Variants in LIFR observed in about 807,000 individuals in gnomAD.
LIFR encodes leukemia inhibitory factor receptor.
A neutral mutation model predicts 122.2 loss-of-function variants in LIFR; 84 were observed. That is an observed-to-expected ratio of 0.69 (90% CI 0.58 to 0.82). LIFR has a LOEUF of 0.82. LIFR is among the 40% of genes least tolerant of loss of function. The pLI, the probability that LIFR is intolerant of heterozygous loss-of-function variation, is 0.00. For synonymous variants in LIFR, 422 were observed against 434.7 expected (o/e 0.97, Z 0.36); for missense variants, 1,294 against 1,311.6 (o/e 0.99, Z 0.21).
chr5:38,487,889 C>T (rs187421761), intron 16 of LIFR, among the ~76,000 whole-genome samples: 8 of 152,196 alleles, frequency 5.3e-5, no homozygotes, highest in Admixed American at 5.2e-4. Context: ...AGTTCCTTCT[C>T]AACAATGCCT....
chr5:38,499,732 T>C, intron 11 of LIFR, 149 bp from the exon 12 acceptor site: 1 of 688,634 alleles, frequency 1.5e-6, no homozygotes, highest in Non-Finnish European at 2.6e-6. Context: ...ATGGAAAATC[T>C]AAGCTCTCAA....
chr5:38,531,832 A>G (rs1747028176), intron 1 of LIFR, among the ~76,000 whole-genome samples: 1 of 152,202 alleles, frequency 6.6e-6, no homozygotes, highest in Admixed American at 6.5e-5. Context: ...GCTACTGTCA[A>G]GTACTGTCAA....
At chr5:38,565,124 CAGT>C (rs1475290518) in intron 1 of LIFR, among the ~76,000 whole-genome samples, 1 of 152,120 alleles carries the variant, frequency 6.6e-6, no homozygotes, top group Non-Finnish European at 1.5e-5. Context: ...GACTTATATT[CAGT>C]ATTGAGCCTT....
At chr5:38,550,051 T>C (rs1748118756) in intron 1 of LIFR, 1 of 152,682 alleles carries the variant, frequency 6.5e-6, no homozygotes, top group South Asian at 2.1e-4. Context: ...TACTTTATCG[T>C]TTCTCCTTTG....
At chr5:38,605,255 G>A (rs3097240) in intron 2 of LIFR, among the ~76,000 whole-genome samples, 94,731 of 151,874 alleles carry the variant, frequency 0.62, 29,795 homozygotes, top group African/African-American at 0.7. Context: ...GCAGTTTTAC[G>A]GACACTGGGC....
In LIFR at chr5:38,475,773, A is replaced by G. The variant is rs569182863; in HGVS notation, c.*5822T>C. ...GACCTTGACTTATGGCCAGCTAATG[A>G]AAGAGAAGAAAACCTAACATCCTTA... On this transcript the variant is annotated 3_prime_UTR_variant, in exon 20 of 20. Transcript: ENST00000453190. The G allele has an allele frequency of 6.4e-5, 12 of 188,774 alleles. No individual in the cohort carries two copies. The highest frequency in any genetic ancestry group is 2.8e-4 in the African/African-American group (12 of 43,022). The allele number at this position is 188,774 out of a possible 1,614,324, so 11.7% of individuals were successfully genotyped here.
chr5:38,481,148 AAAC>A lies in LIFR; in HGVS notation c.*444_*446del, dbSNP rs1209597446. ...GCTTGGTTTTCATCTAGAAAGGAGT[AAAC>A]GTCAGGCAAATAAACTTCACCTGTT... On this transcript the variant is annotated 3_prime_UTR_variant, in exon 20 of 20. Coordinates refer to ENST00000453190, the MANE Select transcript of LIFR (RefSeq NM_001127671.2). 4 of 262,318 alleles carry A rather than the reference AAAC, an allele frequency of 1.5e-5. No homozygotes were observed. Among genetic ancestry groups the A allele is most frequent in the Non-Finnish European group, 2.9e-5 (4 of 135,748 alleles). The allele number at this position is 262,318 out of a possible 1,614,324, so 16.2% of individuals were successfully genotyped here.
At position 38,479,643 on chromosome 5, in the gene LIFR, T is replaced by A. The variant is rs558503590; in HGVS notation, c.*1952A>T. 2.6e-5 allele frequency: 6 copies of A among 230,266 alleles called. No homozygotes were observed. Among genetic ancestry groups the A allele is most frequent in the Non-Finnish European group, 5.2e-5 (6 of 116,292 alleles). 14.3% of individuals were successfully genotyped at this position (230,266 alleles called of 1,614,324 possible). A position where few individuals can be genotyped will look rare whatever the true frequency, so the allele number is the denominator to read the frequency against. On this transcript the variant is annotated 3_prime_UTR_variant, in exon 20 of 20. Transcript: ENST00000453190. ...CTGGAGAGATAAAGTACGGGATTGA[T>A]ACATTTCAACAGGGAACAAGGCAGG... is the stretch of plus-strand genomic sequence containing the variant.
At chr5:38,541,559 T>G (rs563373149) in intron 1 of LIFR, among the ~76,000 whole-genome samples, 2 of 152,352 alleles carry the variant, frequency 1.3e-5, no homozygotes, top group South Asian at 4.1e-4. Flanking sequence ...TTTTATCACA[T>G]GATCAACCTT....
intron 14 of LIFR, among the ~76,000 whole-genome samples, chr5:38,492,284 C>A (rs1238953682): frequency 6.6e-6 from 1 of 152,140 alleles, no homozygotes; most frequent in East Asian, 1.9e-4. Flanking sequence ...AGTTCTCTTC[C>A]CACAATCATC....
At chr5:38,569,265 T>A (rs962351888) in intron 1 of LIFR, among the ~76,000 whole-genome samples, 7 of 152,238 alleles carry the variant, frequency 4.6e-5, no homozygotes, top group Admixed American at 1.3e-4. Context: ...CTTTATTGCC[T>A]ACACAATGAC....
chr5:38,545,871 G>GAAAAAAAA (rs371497950), intron 1 of LIFR, among the ~76,000 whole-genome samples: 4 of 87,718 alleles, frequency 4.6e-5, no homozygotes, highest in East Asian at 3.4e-4. Flanking sequence ...CAAAAAAAAA[G>GAAAAAAAA]AAAAAAAAAA....
Position 38,481,477 on chromosome 5 carries a change from G to A in LIFR, c.*118C>T. 9.1e-7 allele frequency: 1 copy of A among 1,094,430 alleles called. No individual in the cohort carries two copies. Among genetic ancestry groups the A allele is most frequent in the South Asian group, 1.3e-5 (1 of 79,072 alleles). The allele number at this position is 1,094,430 out of a possible 1,614,324, so 67.8% of individuals were successfully genotyped here. ...CTTTCAGTGTAACTTAACATGTAGT[G>A]AAGTTCACCTCCTAACAATACTTCA... On this transcript the variant is annotated 3_prime_UTR_variant, in exon 20 of 20. Coordinates refer to ENST00000453190, the MANE Select transcript of LIFR (RefSeq NM_001127671.2).
At position 38,505,942 on chromosome 5, in the gene LIFR, T is replaced by A; in HGVS notation, c.1254A>T (p.Arg418=). 7 of 1,610,026 alleles carry A rather than the reference T, an allele frequency of 4.3e-6. No individual in the cohort carries two copies. The highest frequency in any genetic ancestry group is 5.9e-6 in the Non-Finnish European group (7 of 1,177,886). The change falls in exon 9 of 20, where the codon CGA becomes CGT. Residue 418 remains arginine (R), a synonymous_variant. Coordinates refer to ENST00000453190, the MANE Select transcript of LIFR (RefSeq NM_001127671.2). ...FTLNAHNPLG[R]SQSTILVNIT... is the part of the protein sequence containing the mutation. ...TATTAACTAAAATTGTTGATTGTGA[T>A]CGACCCAGCGGATTGTGAGCATTCA...
chr5:38,594,270 G>T (rs1750025606), intron 1 of LIFR, among the ~76,000 whole-genome samples: 1 of 152,152 alleles, frequency 6.6e-6, no homozygotes, highest in African/African-American at 2.4e-5. Flanking sequence ...TCAGGGCCTG[G>T]AGAAGGCAGG....
chr5:38,505,474 A>G (rs1442547942), intron 9 of LIFR, among the ~76,000 whole-genome samples: 1 of 151,924 alleles, frequency 6.6e-6, no homozygotes, highest in Non-Finnish European at 1.5e-5. Context: ...ATAAAAACTG[A>G]GCAAGGTCAG....
chr5:38,582,058 C>CTTTTTTTT (rs35430300), intron 1 of LIFR, among the ~76,000 whole-genome samples: 2 of 145,216 alleles, frequency 1.4e-5, no homozygotes, highest in African/African-American at 2.5e-5. Context: ...TTTTTTTTTC[C>CTTTTTTTT]TTTTTTTTTT....
intron 12 of LIFR, 81 bp from the exon 13 acceptor site, chr5:38,496,676 A>G (rs2112431556): frequency 2.0e-6 from 2 of 1,014,434 alleles, no homozygotes; most frequent in Non-Finnish European, 3.1e-6. Flanking sequence ...TAAACTGGAC[A>G]CTATATTAAC....
chr5:38,553,121 T>C (rs1748294175), intron 1 of LIFR, among the ~76,000 whole-genome samples: 1 of 152,164 alleles, frequency 6.6e-6, no homozygotes, highest in Admixed American at 6.5e-5. Context: ...GCCACAGAGG[T>C]GGTCCTCTGT....
Sources: gnomAD v4.1 joint callset for allele counts (sites outside exome capture counted in the v4.1 genomes callset) on GRCh38, gnomAD v4.1.1 for gene constraint, MANE v1.5 for transcripts, NCBI Gene and HGNC (gene_info 2026-07-23, HGNC 2026-07-21) for gene names.